Variants in TENM2 observed in about 807,000 individuals in gnomAD.
TENM2 encodes the protein teneurin-2.
Under a neutral mutation model 245.2 loss-of-function variants are expected in TENM2, and 52 were observed. The observed-to-expected ratio is 0.21, with a 90% CI of 0.17 to 0.27. The LOEUF (loss-of-function observed/expected upper bound fraction) is 0.27. Ranked by LOEUF, TENM2 falls within the 10% of genes least tolerant of loss-of-function variation. The probability of loss-of-function intolerance (pLI) is 1.00; values close to 1 mark genes in which losing one functional copy is unlikely to be tolerated. For missense variants in TENM2, 3,046 were observed against 3,666.8 expected, an observed-to-expected ratio of 0.83 and a Z score of 4.37; for synonymous variants, 1,363 against 1,438.9, an observed-to-expected ratio of 0.95 and a Z score of 1.19.
At chr5:167,540,579 G>C (rs1015122562) in intron 2 of TENM2, among the ~76,000 whole-genome samples, 1 of 152,168 alleles carries the variant, frequency 6.6e-6, no homozygotes, top group African/African-American at 2.4e-5. Flanking sequence ...AGTTGCGACA[G>C]AGACCATATG....
chr5:167,520,847 T>A (rs569543319), intron 2 of TENM2, among the ~76,000 whole-genome samples: 1 of 151,908 alleles, frequency 6.6e-6, no homozygotes, highest in South Asian at 2.1e-4. Context: ...TCAGCTCCAA[T>A]TTTTAACGAC....
At chr5:166,995,190 A>G in the TENM2 span, among the ~76,000 whole-genome samples, 2 of 152,050 alleles carry the variant, frequency 1.3e-5, no homozygotes, top group Non-Finnish European at 1.5e-5. Context: ...ATAGAAAAAA[A>G]TGTACCATGT....
intron 5 of TENM2, among the ~76,000 whole-genome samples, chr5:167,999,831 T>C (rs1328083588): frequency 6.6e-6 from 1 of 152,236 alleles, no homozygotes; most frequent in Non-Finnish European, 1.5e-5. Context: ...GTTCTGGTCC[T>C]GACTTTGTAG....
chr5:167,062,751 A>T, the TENM2 span, among the ~76,000 whole-genome samples: 28 of 152,194 alleles, frequency 1.8e-4, no homozygotes, highest in Non-Finnish European at 3.5e-4. Context: ...AATAAGTGAG[A>T]TGAAGAAAAT....
chr5:167,435,062 A>G (rs1356451607), intron 2 of TENM2, among the ~76,000 whole-genome samples: 3 of 152,230 alleles, frequency 2.0e-5, no homozygotes, highest in African/African-American at 7.2e-5. Context: ...TAGATTTTCT[A>G]TACCTCATTT....
At chr5:167,182,271 C>T in the TENM2 span, among the ~76,000 whole-genome samples, 5 of 151,710 alleles carry the variant, frequency 3.3e-5, no homozygotes, top group African/African-American at 4.8e-5. Context: ...TTTCTAAATC[C>T]AATTGAGTAA....
chr5:167,925,314 A>T (rs1368222941), intron 3 of TENM2, among the ~76,000 whole-genome samples: 1 of 152,228 alleles, frequency 6.6e-6, no homozygotes, highest in Non-Finnish European at 1.5e-5. Flanking sequence ...TAAGTTCAAA[A>T]CATGTAAAAC....
chr5:166,999,137 A>G, the TENM2 span, among the ~76,000 whole-genome samples: 1 of 152,154 alleles, frequency 6.6e-6, no homozygotes, highest in East Asian at 1.9e-4. Flanking sequence ...TGTTAAAAGT[A>G]GAAGAGTAGA....
chr5:167,080,598 T>G, the TENM2 span, among the ~76,000 whole-genome samples: 10 of 152,042 alleles, frequency 6.6e-5, no homozygotes, highest in Admixed American at 2.6e-4. Flanking sequence ...GTGGGAAGCC[T>G]TTCCTCGGGA....
At chr5:167,067,663 G>A in the TENM2 span, among the ~76,000 whole-genome samples, 1 of 152,130 alleles carries the variant, frequency 6.6e-6, no homozygotes, top group Admixed American at 6.6e-5. Context: ...CTCTTTGGCT[G>A]CCCATAATTT....
intron 2 of TENM2, among the ~76,000 whole-genome samples, chr5:167,473,395 T>C (rs1222187496): frequency 6.6e-6 from 1 of 152,256 alleles, no homozygotes; most frequent in African/African-American, 2.4e-5. Context: ...CAGCATCATA[T>C]AACTTTTCCC....
chr5:167,666,413 T>C (rs1334945474), intron 2 of TENM2, among the ~76,000 whole-genome samples: 1 of 152,222 alleles, frequency 6.6e-6, no homozygotes, highest in African/African-American at 2.4e-5. Context: ...ACGAGTAAAC[T>C]TCCCAGTTTA....
intron 2 of TENM2, among the ~76,000 whole-genome samples, chr5:167,717,384 A>C (rs951840851): frequency 6.6e-6 from 1 of 152,278 alleles, no homozygotes; most frequent in South Asian, 2.1e-4. Context: ...CCTCACTTTA[A>C]GTTCTCAAAA....
chr5:168,009,625 G>A (rs893033811), intron 5 of TENM2, among the ~76,000 whole-genome samples: 3 of 152,120 alleles, frequency 2.0e-5, no homozygotes, highest in African/African-American at 7.2e-5. Flanking sequence ...GCATCAAATA[G>A]CATGCTCACC....
At chr5:167,885,382 T>G (rs1774202655) in intron 3 of TENM2, among the ~76,000 whole-genome samples, 2 of 152,216 alleles carry the variant, frequency 1.3e-5, no homozygotes, top group South Asian at 4.1e-4. Flanking sequence ...CATTTAATCC[T>G]CACCACTGAG....
In TENM2 at chr5:168,224,392, G is replaced by GTGAT. The variant is rs564891982; in HGVS notation, c.5109-1693_5109-1690dup. On this transcript the variant is annotated intron_variant, in intron 23 of 28. Transcript: ENST00000518659. ...TAGGCAGCGCGGTGTACAGCTTAATGTGATTGCACTCTCAGCTTTCAAACT... is the reference window on the plus strand; with the variant it reads ...TAGGCAGCGCGGTGTACAGCTTAATGTGATTGATTGCACTCTCAGCTTTCAAACT... Among the ~76,000 whole-genome samples the GTGAT allele has an allele frequency of 1.2e-4, 18 of 152,296 alleles. No homozygotes were observed. In the South Asian group the frequency reaches 3.7e-3, roughly 32 times the overall value.
At chr5:168,225,015 TATAC>T (rs1297986474) in intron 23 of TENM2, among the ~76,000 whole-genome samples, 1 of 152,084 alleles carries the variant, frequency 6.6e-6, no homozygotes, top group African/African-American at 2.4e-5. Flanking sequence ...AGACGACACA[TATAC>T]ATAAAGAAGG....
intron 2 of TENM2, chr5:167,574,159 C>T (rs1322407473): frequency 6.6e-6 from 1 of 152,076 alleles, no homozygotes; most frequent in East Asian, 1.9e-4. Flanking sequence ...ATAGAAAGTA[C>T]CTGTATTAAT....
chr5:167,121,827 AGT>A, the TENM2 span, among the ~76,000 whole-genome samples: 1 of 152,238 alleles, frequency 6.6e-6, no homozygotes, highest in Non-Finnish European at 1.5e-5. Flanking sequence ...ACCTGGAATA[AGT>A]GTGTTTCCTT....
Sources: gnomAD v4.1 joint callset for allele counts (sites outside exome capture counted in the v4.1 genomes callset) on GRCh38, gnomAD v4.1.1 for gene constraint, MANE v1.5 for transcripts, NCBI Gene and HGNC (gene_info 2026-07-23, HGNC 2026-07-21) for gene names.